The following MTHFD2L variants were observed in gnomAD, a reference collection of about 807,000 sequenced individuals.
MTHFD2L encodes the protein bifunctional methylenetetrahydrofolate dehydrogenase/cyclohydrolase 2, mitochondrial.
A neutral mutation model predicts 34.9 loss-of-function variants in MTHFD2L; 29 were observed. The ratio of observed to expected loss-of-function variants is 0.83; its 90% CI spans 0.62 to 1.13. The LOEUF (loss-of-function observed/expected upper bound fraction) is 1.13, where lower values mean the gene tolerates loss of function less well. Ranked by LOEUF, MTHFD2L falls within the 50% of genes most tolerant of loss-of-function variation. MTHFD2L has a pLI of 0.00. For missense variants in MTHFD2L, 481 were observed against 446.5 expected (o/e 1.08, Z -0.70); for synonymous variants, 167 against 155.7 (o/e 1.07, Z -0.54).
At chr4:74,120,434 T>C (rs986590549), upstream of MTHFD2L, among the ~76,000 whole-genome samples, 1 of 152,260 alleles carries the variant, frequency 6.6e-6, no homozygotes, top group African/African-American at 2.4e-5. Flanking sequence ...GCTGCAGAAC[T>C]ATTCAAGTCT....
chr4:74,144,386 G>C (rs1229239263), intron 1 of MTHFD2L, among the ~76,000 whole-genome samples: 1 of 152,208 alleles, frequency 6.6e-6, no homozygotes, highest in African/African-American at 2.4e-5. Flanking sequence ...CCAGGAGGCA[G>C]AGGTTGCAAT....
chr4:74,176,516 A>C (rs1729071515), intron 3 of MTHFD2L, among the ~76,000 whole-genome samples: 1 of 151,944 alleles, frequency 6.6e-6, no homozygotes, highest in South Asian at 2.1e-4. Context: ...ATGTGGGTTT[A>C]TCTCTGGGAA....
intron 5 of MTHFD2L, among the ~76,000 whole-genome samples, chr4:74,213,797 G>T (rs530822659): frequency 6.6e-6 from 1 of 152,320 alleles, no homozygotes; most frequent in South Asian, 2.1e-4. Flanking sequence ...ATCCTGAAGA[G>T]TGTTTTCCAA....
Position 74,117,158 on chromosome 4 carries a change from T to C in MTHFD2L, c.-144+2501T>C, listed in dbSNP as rs1257865683. On this transcript the variant is annotated intron_variant and NMD_transcript_variant, in intron 2 of 9. Transcript: ENST00000429519. ...AAGTCCACAAGTGGACGGGGCTTCA[T>C]AGCCATGACAACAAATGACATTGTC... is the stretch of plus-strand genomic sequence containing the variant. Among the ~76,000 whole-genome samples, 2 of 152,202 alleles carry C rather than the reference T, an allele frequency of 1.3e-5. 1 individual carries two copies. Among genetic ancestry groups the C allele is most frequent in the Admixed American group, 1.3e-4 (2 of 15,280 alleles).
At position 74,177,422 on chromosome 4, in the gene MTHFD2L, TCTTAAAATGTCCATTCTACACAAAATGAC is replaced by T. The variant is rs555944874; in HGVS notation, c.451+2022_451+2050del. ...TGTATAAACATGTCACAACATTAAT[TCTTAAAATGTCCATTCTACACAAAATGAC>T]CTGAAAAGACATTTCTTAAGAGAAG... On this transcript the variant is annotated intron_variant, in intron 3 of 7. Transcript: ENST00000325278. 1.4e-4 allele frequency among the ~76,000 whole-genome samples: 21 copies of T among 152,050 alleles called. No homozygotes were observed. In the South Asian group the frequency reaches 3.9e-3, roughly 28 times the overall value.
At chr4:74,276,056 CT>C in intron 6 of MTHFD2L, among the ~76,000 whole-genome samples, 1 of 152,194 alleles carries the variant, frequency 6.6e-6, no homozygotes, top group Non-Finnish European at 1.5e-5. Flanking sequence ...CAAAGCAAGT[CT>C]TTTAACATGC....
At chr4:74,123,641 A>C (rs142849657), upstream of MTHFD2L, among the ~76,000 whole-genome samples, 386 of 152,138 alleles carry the variant, frequency 2.5e-3, 2 homozygotes, top group African/African-American at 8.8e-3. Context: ...CAATACTTAA[A>C]ATTTTTTTAT....
At chr4:74,126,558 G>GGT (rs139517190) in intron 1 of MTHFD2L, among the ~76,000 whole-genome samples, 22 of 150,508 alleles carry the variant, frequency 1.5e-4, no homozygotes, top group South Asian at 1.1e-3. Flanking sequence ...CTTTTTCTCT[G>GGT]GTGTGTGTGT....
chr4:74,134,949 A>G (rs896508650), intron 1 of MTHFD2L, among the ~76,000 whole-genome samples: 11 of 152,160 alleles, frequency 7.2e-5, no homozygotes, highest in Non-Finnish European at 1.6e-4. Context: ...AAATGAGAGA[A>G]GGCCACTTAC....
intron 5 of MTHFD2L, among the ~76,000 whole-genome samples, chr4:74,217,226 C>T (rs1284207065): frequency 6.6e-6 from 1 of 151,702 alleles, no homozygotes; most frequent in Non-Finnish European, 1.5e-5. Context: ...TCCTCACTTC[C>T]TTCAGGTTTT....
chr4:74,137,057 G>T (rs1360938650), intron 1 of MTHFD2L, among the ~76,000 whole-genome samples: 1 of 152,128 alleles, frequency 6.6e-6, no homozygotes, highest in East Asian at 1.9e-4. Context: ...CAATGATCTG[G>T]ACAAAGATTT....
In MTHFD2L at chr4:74,302,879, A is replaced by C. The variant is rs1750472925; in HGVS notation, c.*1070A>C. ...TGTTTCTAACACAATTTAAATTAGGAAATATATATGAATGTCGTTGAAGTC... is the reference window on the plus strand; with the variant it reads ...TGTTTCTAACACAATTTAAATTAGGCAATATATATGAATGTCGTTGAAGTC... On this transcript the variant is annotated 3_prime_UTR_variant, in exon 8 of 8. Transcript: ENST00000325278. 6.6e-6 allele frequency: 1 copy of C among 152,140 alleles called. No homozygotes were observed. The highest frequency in any genetic ancestry group is 1.5e-5 in the Non-Finnish European group (1 of 68,006). 9.4% of individuals were successfully genotyped at this position (152,140 alleles called of 1,614,324 possible).
At chr4:74,142,030 G>A (rs1045861999) in intron 1 of MTHFD2L, among the ~76,000 whole-genome samples, 2 of 152,156 alleles carry the variant, frequency 1.3e-5, no homozygotes, top group Admixed American at 1.3e-4. Context: ...TAGAATTCAG[G>A]TATGTCTAAA....
At chr4:74,118,073 TG>T (rs1721685160) in intron 2 of MTHFD2L, among the ~76,000 whole-genome samples, 1 of 152,212 alleles carries the variant, frequency 6.6e-6, no homozygotes, top group Non-Finnish European at 1.5e-5. Context: ...CAACCGTGCT[TG>T]GTACATAGGG....
intron 5 of MTHFD2L, among the ~76,000 whole-genome samples, chr4:74,220,381 A>T: frequency 6.6e-6 from 1 of 152,000 alleles, no homozygotes; most frequent in African/African-American, 2.4e-5. Flanking sequence ...AAAGGCTGCT[A>T]GTTGCCTCTC....
At chr4:74,169,556 TA>T (rs1421964718) in intron 1 of MTHFD2L, among the ~76,000 whole-genome samples, 2 of 152,242 alleles carry the variant, frequency 1.3e-5, no homozygotes, top group Non-Finnish European at 2.9e-5. Context: ...GTTAGGTGAT[TA>T]CTAGTTTTTT....
At chr4:74,140,795 C>T (rs1053614985) in intron 1 of MTHFD2L, among the ~76,000 whole-genome samples, 8 of 152,246 alleles carry the variant, frequency 5.3e-5, no homozygotes, top group Middle Eastern at 3.4e-3. Flanking sequence ...GGGGGAAGCC[C>T]CTTATAAAAC....
intron 1 of MTHFD2L, among the ~76,000 whole-genome samples, chr4:74,142,719 T>C (rs1723351315): frequency 1.3e-5 from 2 of 152,192 alleles, no homozygotes; most frequent in African/African-American, 4.8e-5. Context: ...TCCTTTCACA[T>C]TTCTGCAACC....
chr4:74,286,496 A>T (rs1748191849), intron 7 of MTHFD2L, among the ~76,000 whole-genome samples: 1 of 152,206 alleles, frequency 6.6e-6, no homozygotes, highest in Non-Finnish European at 1.5e-5. Context: ...CATGAGTAGT[A>T]AATAGCTTCT....
Sources: gnomAD v4.1 joint callset for allele counts (sites outside exome capture counted in the v4.1 genomes callset) on GRCh38, gnomAD v4.1.1 for gene constraint, MANE v1.5 for transcripts, NCBI Gene and HGNC (gene_info 2026-07-23, HGNC 2026-07-21) for gene names.